The following KCNQ5 variants were observed in gnomAD, a reference collection of about 807,000 sequenced individuals.
KCNQ5 encodes potassium voltage-gated channel subfamily KQT member 5.
In KCNQ5, 30 loss-of-function variants were observed where a neutral mutation model predicts 98.2. The observed-to-expected ratio is 0.31, with a 90% CI of 0.23 to 0.41. The LOEUF (loss-of-function observed/expected upper bound fraction) is 0.41, where lower values mean the gene tolerates loss of function less well. KCNQ5 is among the 10% of genes least tolerant of loss of function. The probability of loss-of-function intolerance (pLI) is 1.00; values close to 1 mark genes in which losing one functional copy is unlikely to be tolerated. For missense variants in KCNQ5, 835 were observed against 1,182.5 expected (o/e 0.71, Z 4.31); for synonymous variants, 458 against 449.4 (o/e 1.02, Z -0.24).
intron 10 of KCNQ5, among the ~76,000 whole-genome samples, chr6:73,152,966 G>T (rs1033691830): frequency 1.3e-5 from 2 of 152,156 alleles, no homozygotes; most frequent in Admixed American, 6.5e-5. Flanking sequence ...CCTGTCCTTT[G>T]ACTGTGTTGG....
At chr6:72,681,519 CTT>C (rs1416788515) in intron 1 of KCNQ5, among the ~76,000 whole-genome samples, 1 of 152,182 alleles carries the variant, frequency 6.6e-6, no homozygotes, top group Non-Finnish European at 1.5e-5. Flanking sequence ...AAGTCTCTCT[CTT>C]TGAACTAGTC....
At position 72,770,127 on chromosome 6, in the gene KCNQ5, A is replaced by G. The variant is rs567679423; in HGVS notation, c.398+147540A>G. On this transcript the variant is annotated intron_variant, in intron 1 of 13. Coordinates refer to ENST00000370398, the MANE Select transcript of KCNQ5 (RefSeq NM_019842.4). ...GAGATATGGTTTTAAAATGGATTTT[A>G]ATGGCTCATTTGACTGAAATTTATT... 1.2e-3 allele frequency among the ~76,000 whole-genome samples: 177 copies of G among 152,318 alleles called. 1 individual carries two copies. Among genetic ancestry groups the G allele is most frequent in the African/African-American group, 4.0e-3 (167 of 41,574 alleles).
chr6:72,711,776 C>A (rs1769382407), intron 1 of KCNQ5, among the ~76,000 whole-genome samples: 1 of 152,096 alleles, frequency 6.6e-6, no homozygotes, highest in South Asian at 2.1e-4. Flanking sequence ...TTTGTTGGGA[C>A]AAGGATTTCT....
chr6:73,090,393 G>T (rs1323756748), intron 5 of KCNQ5, among the ~76,000 whole-genome samples: 1 of 151,954 alleles, frequency 6.6e-6, no homozygotes, highest in African/African-American at 2.4e-5. Context: ...TTCTTTTGCC[G>T]TGCAAAAGCT....
chr6:72,963,778 T>C (rs1233900282), intron 1 of KCNQ5, among the ~76,000 whole-genome samples: 1 of 152,164 alleles, frequency 6.6e-6, no homozygotes, highest in Non-Finnish European at 1.5e-5. Context: ...TTCTCGTGCC[T>C]CAGCCTCCTG....
intron 11 of KCNQ5, among the ~76,000 whole-genome samples, chr6:73,180,659 A>G (rs577718887): frequency 5.9e-5 from 9 of 152,314 alleles, no homozygotes; most frequent in East Asian, 1.9e-4. Flanking sequence ...TTGGCCACAC[A>G]TTAGCATCAC....
chr6:73,160,172 C>A (rs1335655311), intron 10 of KCNQ5, among the ~76,000 whole-genome samples: 2 of 149,894 alleles, frequency 1.3e-5, no homozygotes, highest in Non-Finnish European at 3.0e-5. Flanking sequence ...CACCACGACG[C>A]CCGGCTGTTT....
chr6:72,732,479 T>C (rs987274670), intron 1 of KCNQ5, among the ~76,000 whole-genome samples: 8 of 152,146 alleles, frequency 5.3e-5, no homozygotes, highest in African/African-American at 1.9e-4. Flanking sequence ...ACAGAGTGTG[T>C]GAAGTCTAGC....
intron 1 of KCNQ5, among the ~76,000 whole-genome samples, chr6:72,752,002 T>C (rs1216176556): frequency 1.3e-5 from 2 of 152,108 alleles, no homozygotes; most frequent in Non-Finnish European, 1.5e-5. Context: ...GCCTTTTGTT[T>C]GTTTGGGGTT....
At chr6:73,171,115 T>C (rs1174043680) in intron 11 of KCNQ5, among the ~76,000 whole-genome samples, 3 of 152,162 alleles carry the variant, frequency 2.0e-5, no homozygotes, top group Non-Finnish European at 4.4e-5. Context: ...AAATGAGTTC[T>C]AAAGATTTTC....
chr6:73,041,442 G>T (rs1389282530), intron 2 of KCNQ5, among the ~76,000 whole-genome samples: 1 of 152,200 alleles, frequency 6.6e-6, no homozygotes, highest in East Asian at 1.9e-4. Flanking sequence ...TGTAACGAAA[G>T]AATTCAGTAT....
intron 10 of KCNQ5, among the ~76,000 whole-genome samples, chr6:73,140,077 A>G (rs1776642010): frequency 6.6e-6 from 1 of 152,218 alleles, no homozygotes. Context: ...CACTGAAAAC[A>G]GTGACAAAAA....
At chr6:73,097,845 C>T (rs1380958647) in intron 5 of KCNQ5, among the ~76,000 whole-genome samples, 2 of 152,156 alleles carry the variant, frequency 1.3e-5, no homozygotes, top group Non-Finnish European at 2.9e-5. Context: ...CCTGCAGTGA[C>T]CAAAAACTTA....
At chr6:72,961,896 G>A (rs1262883752) in intron 1 of KCNQ5, among the ~76,000 whole-genome samples, 8 of 151,920 alleles carry the variant, frequency 5.3e-5, no homozygotes, top group Non-Finnish European at 1.2e-4. Context: ...GGGAGCCAAG[G>A]CCAGGTGGGT....
intron 1 of KCNQ5, among the ~76,000 whole-genome samples, chr6:72,920,383 T>C (rs1055736906): frequency 7.9e-5 from 12 of 152,216 alleles, no homozygotes; most frequent in Non-Finnish European, 1.5e-4. Flanking sequence ...TCTTTATTGG[T>C]AAACCAAAAG....
intron 1 of KCNQ5, among the ~76,000 whole-genome samples, chr6:72,900,580 A>G (rs1452741334): frequency 6.8e-6 from 1 of 146,620 alleles, no homozygotes; most frequent in East Asian, 1.9e-4. Context: ...TGGTTCCACA[A>G]TTTTGCAGTT....
chr6:72,752,664 C>T (rs1247562071), intron 1 of KCNQ5, among the ~76,000 whole-genome samples: 11 of 152,232 alleles, frequency 7.2e-5, no homozygotes, highest in Non-Finnish European at 8.8e-5. Flanking sequence ...CCTGAATTGC[C>T]TAAATTCCAA....
At position 73,153,904 on chromosome 6, in the gene KCNQ5, T is replaced by TAAA. The variant is rs3068405; in HGVS notation, c.1469-15832_1469-15830dup. 1.8e-3 allele frequency among the ~76,000 whole-genome samples: 271 copies of TAAA among 147,594 alleles called. 2 individuals are homozygous for TAAA. Among genetic ancestry groups the TAAA allele is most frequent in the South Asian group, 6.2e-3 (29 of 4,710 alleles). ...ATCAATCTGTAATCTTCAATTCCACTAAAAAAAAAAAAGTTTGCTCTCCAA... is the reference window on the plus strand; with the variant it reads ...ATCAATCTGTAATCTTCAATTCCACTAAAAAAAAAAAAAAAGTTTGCTCTCCAA... On this transcript the variant is annotated intron_variant, in intron 10 of 13. Coordinates refer to ENST00000370398, the MANE Select transcript of KCNQ5 (RefSeq NM_019842.4).
chr6:72,638,401 A>T (rs1229798441), intron 1 of KCNQ5, among the ~76,000 whole-genome samples: 1 of 152,148 alleles, frequency 6.6e-6, no homozygotes, highest in East Asian at 1.9e-4. Context: ...TTCCAGAGCT[A>T]GTGGGTATGG....
Sources: gnomAD v4.1 joint callset for allele counts (sites outside exome capture counted in the v4.1 genomes callset) on GRCh38, gnomAD v4.1.1 for gene constraint, MANE v1.5 for transcripts, NCBI Gene and HGNC (gene_info 2026-07-23, HGNC 2026-07-21) for gene names.